ELK1: variants seen among roughly 807,000 people sequenced by gnomAD.
The protein encoded by ELK1 is ETS domain-containing protein Elk-1.
For synonymous variants in ELK1, 163 were observed against 176.3 expected (o/e 0.92, Z 0.60); for missense variants, 254 against 381.5 (o/e 0.67, Z 2.78).
intron 2 of ELK1, chrX:47,649,498 C>T (rs935132235): frequency 7.2e-5 from 8 of 110,402 alleles, no homozygotes; most frequent in Non-Finnish European, 1.3e-4. Context: ...GGGAGGAAGG[C>T]CAATGAACAG....
intron 2 of ELK1, among the ~76,000 whole-genome samples, chrX:47,641,900 A>C (rs1001269818): frequency 8.9e-6 from 1 of 112,541 alleles, no homozygotes; most frequent in Non-Finnish European, 1.9e-5. Flanking sequence ...ATGAAATTCA[A>C]TCTAATCATA....
At chrX:47,647,259 C>T (rs1351320673) in intron 2 of ELK1, among the ~76,000 whole-genome samples, 1 of 105,422 alleles carries the variant, frequency 9.5e-6, no homozygotes, top group Non-Finnish European at 1.9e-5. Flanking sequence ...CTCCTGGGTT[C>T]AAGCAATTCT....
At position 47,650,539 on chromosome X, in the gene ELK1, T is replaced by TGGCGGTGGCGGC. The variant is rs1556865078; in HGVS notation, c.-269_-258dup. 9.4e-6 allele frequency: 3 copies of TGGCGGTGGCGGC among 320,509 alleles called. No individual in the cohort carries two copies. The highest frequency in any genetic ancestry group is 1.8e-5 in the Non-Finnish European group (3 of 170,085). 26.4% of individuals were successfully genotyped at this position (320,509 alleles called of 1,213,427 possible). The stretch of plus-strand genomic sequence containing the variant: ...TCCGAGGCGGCGGTGGAGGTGGTGG[T>TGGCGGTGGCGGC]GGCGGTGGCGGCGGCAGCACCTAGA... On this transcript the variant is annotated 5_prime_UTR_variant, in exon 1 of 7. Transcript: ENST00000376983.
intron 2 of ELK1, among the ~76,000 whole-genome samples, chrX:47,648,089 G>C (rs1392847256): frequency 2.7e-5 from 3 of 111,144 alleles, no homozygotes; most frequent in South Asian, 3.8e-4. Context: ...TTTTACGCCT[G>C]TGCCTTTAAG....
In ELK1 at chrX:47,637,844, C is replaced by G; in HGVS notation, c.993G>C (p.Pro331=). 8.3e-7 allele frequency: 1 copy of G among 1,198,676 alleles called. No homozygotes were observed. The highest frequency in any genetic ancestry group is 1.1e-6 in the Non-Finnish European group (1 of 889,061). The change falls in exon 5 of 7, where the codon CCG becomes CCC. Residue 331 remains proline (P), a synonymous_variant. Transcript: ENST00000376983. ...CCGATCCTGGGGTCCGTTCGGGTCC[C>G]GGCCCACCTAGCAGGCTCGGGCTGA... is the stretch of plus-strand genomic sequence containing the variant. ...LPLSPSLLGG[P]GPERTPGSGS...
In ELK1 at chrX:47,639,031, G is replaced by A. The variant is rs779268688; in HGVS notation, c.518C>T (p.Pro173Leu). ...TIQSLQPQPP[P>L]HPRPAVVLPS... Reference sequence around the variant, plus strand: ...GAGCACCACAGCAGGCCGAGGATGAGGGGGTGGCTGCGGCTGCAGAGACTG... The same window carrying A: ...GAGCACCACAGCAGGCCGAGGATGAAGGGGTGGCTGCGGCTGCAGAGACTG... The change falls in exon 4 of 7, where the codon CCT (proline) becomes CTT (leucine). Residue 173 changes from proline to leucine, a missense_variant. Physicochemically the swap from Pro to Leu is moderately conservative, Grantham distance 98 (BLOSUM62 -3). Coordinates refer to ENST00000376983, the MANE Select transcript of ELK1 (RefSeq NM_001114123.3). 3.3e-6 allele frequency: 4 copies of A among 1,202,598 alleles called. No homozygotes were observed. Among genetic ancestry groups the A allele is most frequent in the Non-Finnish European group, 4.5e-6 (4 of 891,563 alleles).
chrX:47,646,901 A>G (rs145374974), intron 2 of ELK1, among the ~76,000 whole-genome samples: 3,924 of 111,269 alleles, frequency 0.035, 59 homozygotes, highest in Non-Finnish European at 0.047. Context: ...TTCCTTGAAC[A>G]TGGCAGGCAC....
chrX:47,641,198 G>C lies in ELK1; in HGVS notation c.210+34C>G, dbSNP rs185919666. The stretch of plus-strand genomic sequence containing the variant: ...ATAAAATCTCTGATATAAATGTCAG[G>C]GGGGGGTTCCAGCCCTGGTCTGAGA... On this transcript the variant is annotated intron_variant, in intron 3 of 6. Coordinates refer to ENST00000376983, the MANE Select transcript of ELK1 (RefSeq NM_001114123.3). 1.5e-3 allele frequency: 1,809 copies of C among 1,186,530 alleles called. 6 individuals carry two copies. Among genetic ancestry groups the C allele is most frequent in the Admixed American group, 1.7e-3 (80 of 45,795 alleles).
chrX:47,646,206 C>T (rs1055106197), intron 2 of ELK1, among the ~76,000 whole-genome samples: 6 of 111,768 alleles, frequency 5.4e-5, no homozygotes, highest in African/African-American at 2.0e-4. Context: ...TAGTGTTTAA[C>T]AATGAATATT....
chrX:47,642,721 C>T (rs1162295942), intron 2 of ELK1, among the ~76,000 whole-genome samples: 1 of 109,899 alleles, frequency 9.1e-6, no homozygotes, highest in Non-Finnish European at 1.9e-5. Context: ...GCCTCAGCCT[C>T]CCGCATAGCT....
At chrX:47,646,196 T>C (rs1457326973) in intron 2 of ELK1, among the ~76,000 whole-genome samples, 2 of 112,072 alleles carry the variant, frequency 1.8e-5, no homozygotes. Flanking sequence ...CCAAGCACCA[T>C]AGTGTTTAAC....
chrX:47,643,143 G>A (rs2058033649), intron 2 of ELK1, among the ~76,000 whole-genome samples: 1 of 110,743 alleles, frequency 9.0e-6, no homozygotes, highest in Non-Finnish European at 1.9e-5. Context: ...GGCTGTTCTT[G>A]AACTCCTGGG....
chrX:47,645,757 G>A (rs955247406), intron 2 of ELK1, among the ~76,000 whole-genome samples: 1 of 112,145 alleles, frequency 8.9e-6, no homozygotes, highest in Admixed American at 9.3e-5. Context: ...TCTCCCCGCA[G>A]GGAGAGCTCT....
At chrX:47,641,789 C>T (rs1216167169) in intron 2 of ELK1, among the ~76,000 whole-genome samples, 2 of 112,248 alleles carry the variant, frequency 1.8e-5, no homozygotes, top group Admixed American at 9.4e-5. Context: ...TCCTAATCCT[C>T]GGAACCTGTA....
intron 2 of ELK1, among the ~76,000 whole-genome samples, 168 bp from the exon 3 acceptor site, chrX:47,641,643 A>G (rs914481153): frequency 1.8e-5 from 2 of 112,093 alleles, no homozygotes; most frequent in Non-Finnish European, 3.8e-5. Flanking sequence ...CTTGCTTGGG[A>G]TGCTCCCTGT....
At chrX:47,645,034 T>G (rs2058039358) in intron 2 of ELK1, among the ~76,000 whole-genome samples, 1 of 110,653 alleles carries the variant, frequency 9.0e-6, no homozygotes, top group African/African-American at 3.3e-5. Flanking sequence ...TAGGACTTGC[T>G]GACAGATAGC....
Position 47,636,828 on chromosome X carries a change from G to A in ELK1, c.*1C>T. 1 of 1,143,275 alleles carries A rather than the reference G, an allele frequency of 8.7e-7. No individual in the cohort carries two copies. Among genetic ancestry groups the A allele is most frequent in the Non-Finnish European group, 1.2e-6 (1 of 858,092 alleles). The allele number at this position is 1,143,275 out of a possible 1,213,427, so 94.2% of individuals were successfully genotyped here. A position where few individuals can be genotyped will look rare whatever the true frequency, so the allele number is the denominator to read the frequency against. ...AGGGGTGGTGGTGGTGGTGGTAGTAGTCATGGCTTCTGGGGCCCTGGGGAG... is the reference window on the plus strand; with the variant it reads ...AGGGGTGGTGGTGGTGGTGGTAGTAATCATGGCTTCTGGGGCCCTGGGGAG... On this transcript the variant is annotated 3_prime_UTR_variant, in exon 7 of 7. Transcript: ENST00000376983.
chrX:47,638,830 C>T lies in ELK1; in HGVS notation c.654+65G>A, dbSNP rs888408788. The stretch of plus-strand genomic sequence containing the variant: ...TCTTCTACCAGCCTCCCTCGTCATC[C>T]GGGGATTACACATCCCTCCTCTTTA... On this transcript the variant is annotated intron_variant, in intron 4 of 6. Transcript: ENST00000376983. 1.6e-5 allele frequency: 18 copies of T among 1,111,879 alleles called. No individual in the cohort carries two copies. In the African/African-American group the frequency reaches 1.6e-4, roughly 10 times the overall value. The allele number at this position is 1,111,879 out of a possible 1,213,427, so 91.6% of individuals were successfully genotyped here.
At chrX:47,642,800 T>C (rs772502846) in intron 2 of ELK1, among the ~76,000 whole-genome samples, 6 of 111,433 alleles carry the variant, frequency 5.4e-5, no homozygotes, top group Admixed American at 1.9e-4. Flanking sequence ...GGTTTCACCA[T>C]GTTGGCCAGA....
Sources: gnomAD v4.1 joint callset for allele counts (sites outside exome capture counted in the v4.1 genomes callset) on GRCh38, gnomAD v4.1.1 for gene constraint, MANE v1.5 for transcripts, NCBI Gene and HGNC (gene_info 2026-07-23, HGNC 2026-07-21) for gene names.